The following OSBPL1A variants were observed in gnomAD, a reference collection of about 807,000 sequenced individuals.
OSBPL1A encodes the protein oxysterol binding protein like 1A.
OSBPL1A carries 80 observed loss-of-function variants against 137.1 expected under a neutral mutation model. The observed-to-expected ratio is 0.58, with a 90% CI of 0.49 to 0.70. The LOEUF (loss-of-function observed/expected upper bound fraction) is 0.70. OSBPL1A is among the 30% of genes least tolerant of loss of function. The pLI is 0.00. For synonymous variants in OSBPL1A, 365 were observed against 389.7 expected (o/e 0.94, Z 0.75); for missense variants, 970 against 1,129.4 (o/e 0.86, Z 2.02).
At chr18:24,263,000 A>C (rs2089478272) in intron 15 of OSBPL1A, among the ~76,000 whole-genome samples, 1 of 152,120 alleles carries the variant, frequency 6.6e-6, no homozygotes, top group East Asian at 1.9e-4. Context: ...CTGTACATTT[A>C]TTCCATGATT....
intron 17 of OSBPL1A, among the ~76,000 whole-genome samples, chr18:24,215,832 A>G (rs2087681222): frequency 6.6e-6 from 1 of 152,202 alleles, no homozygotes; most frequent in African/African-American, 2.4e-5. Flanking sequence ...TTTCCTAGGC[A>G]CTCAAAATCT....
chr18:24,234,595 C>T (rs1443928557), intron 16 of OSBPL1A, among the ~76,000 whole-genome samples: 2 of 152,158 alleles, frequency 1.3e-5, no homozygotes, highest in East Asian at 3.9e-4. Flanking sequence ...CTTGCTTCAC[C>T]CACCTTATGA....
At chr18:24,335,924 AG>A (rs372238168) in intron 5 of OSBPL1A, among the ~76,000 whole-genome samples, 6 of 152,346 alleles carry the variant, frequency 3.9e-5, no homozygotes, top group African/African-American at 1.4e-4. Context: ...TTCCACACCC[AG>A]ACTCTACCTC....
At chr18:24,321,675 G>A (rs765612087) in intron 7 of OSBPL1A, 4 of 523,728 alleles carry the variant, frequency 7.6e-6, no homozygotes, top group East Asian at 5.5e-5. Flanking sequence ...GAATAAAATG[G>A]CATGACAGGC....
intron 5 of OSBPL1A, among the ~76,000 whole-genome samples, chr18:24,335,688 G>T (rs930530469): frequency 2.0e-5 from 3 of 152,210 alleles, no homozygotes; most frequent in African/African-American, 7.2e-5. Flanking sequence ...TCAAGTCATG[G>T]ACAGAGAAGC....
chr18:24,373,353 A>G (rs1905824173), intron 2 of OSBPL1A, among the ~76,000 whole-genome samples: 1 of 152,232 alleles, frequency 6.6e-6, no homozygotes, highest in African/African-American at 2.4e-5. Flanking sequence ...GACTGCCAAT[A>G]TAAGTACTTA....
At chr18:24,308,918 C>T (rs2090562048) in intron 13 of OSBPL1A, among the ~76,000 whole-genome samples, 1 of 151,738 alleles carries the variant, frequency 6.6e-6, no homozygotes, top group Admixed American at 6.6e-5. Flanking sequence ...CTACAGGCGC[C>T]CGCCACCATG....
chr18:24,356,180 GA>G (rs113351753), intron 4 of OSBPL1A, among the ~76,000 whole-genome samples: 50,844 of 148,990 alleles, frequency 0.34, 8,765 homozygotes, highest in African/African-American at 0.4. Flanking sequence ...CATCTCAAAA[GA>G]AAAAAAAAAA....
chr18:24,172,411 G>A lies in OSBPL1A; in HGVS notation c.2166C>T (p.Ile722=), dbSNP rs772854160. 5.6e-6 allele frequency: 9 copies of A among 1,613,820 alleles called. No individual in the cohort carries two copies. Among genetic ancestry groups the A allele is most frequent in the East Asian group, 2.2e-5 (1 of 44,870 alleles). The change falls in exon 22 of 28, where the codon ATC becomes ATT. Residue 722 remains isoleucine, a synonymous_variant. Transcript: ENST00000319481. The part of the protein sequence containing the change: ...VHNIIVGKLW[I]EQYGNVEIIN... Reference sequence around the variant, plus strand: ...TAATTTCCACATTGCCATACTGTTCGATCCACAGTTTACCCACAATGATAT... The same window carrying A: ...TAATTTCCACATTGCCATACTGTTCAATCCACAGTTTACCCACAATGATAT...
At chr18:24,180,417 T>C (rs972240911) in intron 19 of OSBPL1A, among the ~76,000 whole-genome samples, 73 of 151,986 alleles carry the variant, frequency 4.8e-4, no homozygotes, top group African/African-American at 1.6e-3. Flanking sequence ...TAGCAATGTA[T>C]ATATATTTAT....
intron 1 of OSBPL1A, among the ~76,000 whole-genome samples, chr18:24,381,001 T>C (rs1208519327): frequency 2.0e-5 from 3 of 151,514 alleles, no homozygotes; most frequent in African/African-American, 4.9e-5. Flanking sequence ...AAAGCTCTTA[T>C]AAACTCTGCA....
At chr18:24,344,718 G>A (rs2091318069) in intron 4 of OSBPL1A, among the ~76,000 whole-genome samples, 1 of 152,096 alleles carries the variant, frequency 6.6e-6, no homozygotes, top group South Asian at 2.1e-4. Flanking sequence ...AAGTGCCGAC[G>A]TCCAGTGAAT....
chr18:24,173,703 G>A (rs2086354607), intron 21 of OSBPL1A, among the ~76,000 whole-genome samples: 1 of 152,222 alleles, frequency 6.6e-6, no homozygotes, highest in Admixed American at 6.5e-5. Context: ...GTGAGCCACC[G>A]CTGCACCTTC....
intron 14 of OSBPL1A, among the ~76,000 whole-genome samples, chr18:24,284,010 G>A (rs1276760553): frequency 1.3e-5 from 2 of 152,096 alleles, no homozygotes; most frequent in African/African-American, 2.4e-5. Context: ...ACCATTGAGA[G>A]AGCGTCGAAT....
At position 24,179,847 on chromosome 18, in the gene OSBPL1A, A is replaced by G. The variant is rs2086552498; in HGVS notation, c.1813-12T>C. 6.2e-7 allele frequency: 1 copy of G among 1,611,154 alleles called. No individual in the cohort carries two copies. Among genetic ancestry groups the G allele is most frequent in the Non-Finnish European group, 8.5e-7 (1 of 1,177,418 alleles). The stretch of plus-strand genomic sequence containing the variant: ...AACGCAGCTACACACTGTGGGACAG[A>G]GCATGAGAACAAGTCAAAAATAGCC... On this transcript the variant is annotated splice_polypyrimidine_tract_variant and intron_variant, in intron 19 of 27. Transcript: ENST00000319481.
chr18:24,194,387 T>A (rs886526115), intron 18 of OSBPL1A, among the ~76,000 whole-genome samples: 6 of 152,252 alleles, frequency 3.9e-5, no homozygotes, highest in Admixed American at 2.0e-4. Flanking sequence ...TTTGTGAAAC[T>A]GATTTTAATT....
chr18:24,286,661 G>A (rs1317471354), intron 14 of OSBPL1A, among the ~76,000 whole-genome samples: 2 of 152,162 alleles, frequency 1.3e-5, no homozygotes, highest in Non-Finnish European at 2.9e-5. Flanking sequence ...ACTTGAGTTG[G>A]ATCTTAAAGA....
intron 18 of OSBPL1A, among the ~76,000 whole-genome samples, chr18:24,184,398 C>T (rs750719984): frequency 2.0e-5 from 3 of 152,100 alleles, no homozygotes; most frequent in Non-Finnish European, 4.4e-5. Flanking sequence ...TACTATGTGC[C>T]AGGTACTGCA....
At chr18:24,244,773 T>C (rs116044934) in intron 15 of OSBPL1A, among the ~76,000 whole-genome samples, 1 of 152,234 alleles carries the variant, frequency 6.6e-6, no homozygotes, top group South Asian at 2.1e-4. Flanking sequence ...AAAACAGTCA[T>C]GTGCTAGCCA....
Sources: allele counts gnomAD v4.1 joint callset (sites outside exome capture counted in the v4.1 genomes callset), GRCh38; gene constraint gnomAD v4.1.1; transcripts MANE v1.5; gene names NCBI Gene and HGNC (gene_info 2026-07-23, HGNC 2026-07-21).